DLG2: variants seen among roughly 807,000 people sequenced by gnomAD.
DLG2 encodes the protein disks large homolog 2.
Under a neutral mutation model 132.5 loss-of-function variants are expected in DLG2, and 45 were observed. The ratio of observed to expected loss-of-function variants is 0.34; its 90% confidence interval spans 0.27 to 0.44. The LOEUF is 0.44. DLG2 is among the 20% of genes least tolerant of loss of function. DLG2 has a pLI of 1.00. For missense variants in DLG2, 1,045 were observed against 1,196.9 expected (o/e 0.87, Z 1.87); for synonymous variants, 424 against 419.6 (o/e 1.01, Z -0.13).
intron 3 of DLG2, among the ~76,000 whole-genome samples, chr11:85,368,854 T>C (rs2084754227): frequency 6.6e-6 from 1 of 152,198 alleles, no homozygotes; most frequent in Non-Finnish European, 1.5e-5. Flanking sequence ...GTTCACAACA[T>C]TTGCAGCAGA....
chr11:85,578,576 T>C (rs117711427), intron 3 of DLG2, among the ~76,000 whole-genome samples: 5,426 of 152,218 alleles, frequency 0.036, 147 homozygotes, highest in Admixed American at 0.054. Context: ...GCAAAGGACA[T>C]GAACAGGCAC....
At chr11:84,928,989 T>TAC (rs2047763825) in intron 6 of DLG2, among the ~76,000 whole-genome samples, 1 of 47,920 alleles carries the variant, frequency 2.1e-5, no homozygotes, top group Non-Finnish European at 5.1e-5. Flanking sequence ...TGTGTATATA[T>TAC]ATATATATAT....
chr11:84,009,927 T>C (rs965480200), intron 11 of DLG2, among the ~76,000 whole-genome samples: 4 of 152,092 alleles, frequency 2.6e-5, no homozygotes, highest in Non-Finnish European at 5.9e-5. Context: ...TAACAACCTG[T>C]GGGCCAAGAC....
At chr11:84,394,140 G>T (rs2098802899) in intron 7 of DLG2, among the ~76,000 whole-genome samples, 1 of 152,084 alleles carries the variant, frequency 6.6e-6, no homozygotes, top group Non-Finnish European at 1.5e-5. Flanking sequence ...GCCTCCCAAA[G>T]TGCTGGGATT....
intron 7 of DLG2, among the ~76,000 whole-genome samples, chr11:84,463,923 A>T (rs1183080213): frequency 6.6e-6 from 1 of 151,274 alleles, no homozygotes; most frequent in Non-Finnish European, 1.5e-5. Context: ...AATGTAATCC[A>T]TGTCCTCTTG....
At chr11:85,111,586 C>T in intron 6 of DLG2, 75 bp downstream of exon 6, 5 of 1,224,738 alleles carry the variant, frequency 4.1e-6, no homozygotes, top group Non-Finnish European at 5.6e-6. Context: ...CATTCTGGCT[C>T]ATTCCACTAA....
chr11:84,090,684 A>C (rs1376604700), intron 10 of DLG2, among the ~76,000 whole-genome samples: 3 of 152,238 alleles, frequency 2.0e-5, no homozygotes, highest in Non-Finnish European at 2.9e-5. Flanking sequence ...AATTTGGTAG[A>C]ATATTTCTGG....
At chr11:84,750,744 C>T (rs867626352) in intron 6 of DLG2, among the ~76,000 whole-genome samples, 28 of 151,878 alleles carry the variant, frequency 1.8e-4, no homozygotes, top group African/African-American at 3.9e-4. Flanking sequence ...CAAAGTTGAA[C>T]GACAAACCAT....
chr11:84,920,703 G>GGTCACA (rs879391573), intron 6 of DLG2, among the ~76,000 whole-genome samples: 15,667 of 123,694 alleles, frequency 0.13, 906 homozygotes, highest in African/African-American at 0.16. Flanking sequence ...ATATTCTGAT[G>GGTCACA]TTTGTAAATA....
In DLG2 at chr11:83,651,719, G is replaced by A. The variant is rs558468115; in HGVS notation, c.1826-18394C>T. The A allele has an allele frequency of 3.9e-5, 14 of 354,662 alleles. No homozygotes were observed. The East Asian group carries it at 5.4e-4, about 14-fold the overall frequency. 22.0% of individuals were successfully genotyped at this position (354,662 alleles called of 1,614,324 possible). The stretch of plus-strand genomic sequence containing the variant: ...TACTAACCAGAAAGAGAATGCCCTC[G>A]GAAGTCTACTTTATAATGCTGTTTG... On this transcript the variant is annotated intron_variant, in intron 18 of 27. Coordinates refer to ENST00000376104, the MANE Select transcript of DLG2 (RefSeq NM_001142699.3).
chr11:84,317,334 A>C, intron 7 of DLG2: 1 of 1,414,248 alleles, frequency 7.1e-7, no homozygotes, highest in Non-Finnish European at 9.2e-7. Flanking sequence ...GCACAGCATT[A>C]TCTGCGGGCT....
intron 3 of DLG2, among the ~76,000 whole-genome samples, chr11:85,461,487 C>A (rs1173600664): frequency 1.3e-5 from 2 of 152,212 alleles, no homozygotes; most frequent in Non-Finnish European, 2.9e-5. Context: ...TTGAGTCTGA[C>A]TATGCTGCCA....
chr11:83,848,710 A>C (rs1458709008), intron 16 of DLG2, among the ~76,000 whole-genome samples: 2 of 152,154 alleles, frequency 1.3e-5, no homozygotes, highest in Non-Finnish European at 2.9e-5. Context: ...GTAACTATTA[A>C]TTTGGGCTCC....
At chr11:83,981,364 TA>T (rs1236839628) in intron 11 of DLG2, among the ~76,000 whole-genome samples, 1 of 152,112 alleles carries the variant, frequency 6.6e-6, no homozygotes, top group African/African-American at 2.4e-5. Context: ...GTATACAGTC[TA>T]AAAAATTAAA....
intron 7 of DLG2, among the ~76,000 whole-genome samples, chr11:84,327,199 C>G (rs924969090): frequency 6.7e-6 from 1 of 150,014 alleles, no homozygotes; most frequent in Admixed American, 6.7e-5. Context: ...TCACTTCAAC[C>G]TCTGCCTCCT....
intron 18 of DLG2, among the ~76,000 whole-genome samples, chr11:83,775,818 C>T (rs528179410): frequency 4.0e-5 from 6 of 151,816 alleles, no homozygotes; most frequent in East Asian, 1.9e-4. Context: ...AATAGCCGGG[C>T]GCAGTGGCTC....
intron 6 of DLG2, among the ~76,000 whole-genome samples, chr11:84,969,464 A>T (rs2053771925): frequency 1.3e-5 from 2 of 152,150 alleles, no homozygotes; most frequent in Non-Finnish European, 2.9e-5. Flanking sequence ...TTATAAGCAA[A>T]ATTCCAGAGA....
intron 18 of DLG2, among the ~76,000 whole-genome samples, chr11:83,745,749 C>A (rs1229168794): frequency 1.3e-5 from 2 of 151,944 alleles, no homozygotes; most frequent in Non-Finnish European, 2.9e-5. Flanking sequence ...TTGCAGTGAG[C>A]CAAGATCATG....
intron 7 of DLG2, among the ~76,000 whole-genome samples, chr11:84,386,163 T>G (rs952560146): frequency 2.0e-5 from 3 of 152,072 alleles, no homozygotes; most frequent in Non-Finnish European, 4.4e-5. Context: ...CCCAGCCAAT[T>G]TTTTTAACTC....
Sources: gnomAD v4.1 joint callset for allele counts (sites outside exome capture counted in the v4.1 genomes callset) on GRCh38, gnomAD v4.1.1 for gene constraint, MANE v1.5 for transcripts, NCBI Gene and HGNC (gene_info 2026-07-23, HGNC 2026-07-21) for gene names.